ZC3H8: variants seen among roughly 807,000 people sequenced by gnomAD.
ZC3H8 encodes the protein zinc finger CCCH domain-containing protein 8.
In ZC3H8, 27 loss-of-function variants were observed where a neutral mutation model predicts 42.5. The ratio of observed to expected loss-of-function variants is 0.64; its 90% CI spans 0.47 to 0.88. The LOEUF (loss-of-function observed/expected upper bound fraction) is 0.88, where lower values mean the gene tolerates loss of function less well. ZC3H8 is among the 40% of genes least tolerant of loss of function. The pLI is 0.00. For missense variants in ZC3H8, 277 were observed against 336.1 expected, an observed-to-expected ratio of 0.82 and a Z score of 1.37; for synonymous variants, 101 against 110.1, an observed-to-expected ratio of 0.92 and a Z score of 0.52.
At chr2:112,252,282 A>C (rs976366424) in intron 1 of ZC3H8, among the ~76,000 whole-genome samples, 2 of 152,164 alleles carry the variant, frequency 1.3e-5, no homozygotes, top group Non-Finnish European at 2.9e-5. Flanking sequence ...CTTGCTATCT[A>C]AAACGGCAAC....
In ZC3H8 at chr2:112,250,231, T is replaced by A; in HGVS notation, c.116A>T (p.Glu39Val). The change falls in exon 2 of 9, where the codon GAA (glutamate) becomes GTA (valine). Residue 39 changes from glutamate to valine, a missense_variant. Transcript: ENST00000409573. Reference sequence around the variant, plus strand: ...CTCGCACTCCAGTTTAATTTTCTCTTCTTGTGTTTCTTCAACTTCTGTATC... The same window carrying A: ...CTCGCACTCCAGTTTAATTTTCTCTACTTGTGTTTCTTCAACTTCTGTATC... ...EIDTEVEETQ[E>V]EKIKLECEQI... 6.4e-7 allele frequency: 1 copy of A among 1,566,618 alleles called. No homozygotes were observed.
At chr2:112,254,374 T>TTG (rs1686053991) in intron 1 of ZC3H8, among the ~76,000 whole-genome samples, 2 of 152,264 alleles carry the variant, frequency 1.3e-5, no homozygotes, top group Admixed American at 1.3e-4. Flanking sequence ...TGTTGCTTTA[T>TTG]TGTGGTCTTT....
rs1197440905 is a variant in ZC3H8 at position 112,213,606 on chromosome 2, C to CT, written c.*2877dup. 1 of 150,878 alleles carries CT rather than the reference C, an allele frequency of 6.6e-6. No individual in the cohort carries two copies. Among genetic ancestry groups the CT allele is most frequent in the African/African-American group, 2.4e-5 (1 of 41,038 alleles). The allele number at this position is 150,878 out of a possible 1,614,324, so 9.3% of individuals were successfully genotyped here. On this transcript the variant is annotated 3_prime_UTR_variant, in exon 9 of 9. Coordinates refer to ENST00000409573, the MANE Select transcript of ZC3H8 (RefSeq NM_032494.3). Reference sequence around the variant, plus strand: ...CTTGGCTAATACAGTGAAACCCAGTCTCTACTAAAAATACAAAAAATTAGC... The same window carrying CT: ...CTTGGCTAATACAGTGAAACCCAGTCTTCTACTAAAAATACAAAAAATTAGC...
chr2:112,229,287 C>T (rs534711985), intron 8 of ZC3H8, among the ~76,000 whole-genome samples: 1 of 152,208 alleles, frequency 6.6e-6, no homozygotes, highest in East Asian at 1.9e-4. Flanking sequence ...GATATGAGGC[C>T]TCTATCTGAT....
chr2:112,254,397 T>C (rs933971513), intron 1 of ZC3H8, among the ~76,000 whole-genome samples: 3 of 152,236 alleles, frequency 2.0e-5, no homozygotes, highest in African/African-American at 7.2e-5. Context: ...GGTCTTTCCA[T>C]GCAAATCAGT....
intron 8 of ZC3H8, among the ~76,000 whole-genome samples, chr2:112,217,335 T>C (rs529580115): frequency 1.3e-5 from 2 of 152,170 alleles, no homozygotes; most frequent in Non-Finnish European, 2.9e-5. Flanking sequence ...ATCGTGCCAC[T>C]TCATTCAAGC....
chr2:112,241,358 G>A (rs989799981), intron 2 of ZC3H8, among the ~76,000 whole-genome samples: 2 of 152,132 alleles, frequency 1.3e-5, no homozygotes, highest in Admixed American at 1.3e-4. Context: ...TCCATGGGCT[G>A]GCATTTGGGA....
intron 1 of ZC3H8, 100 bp downstream of exon 1, chr2:112,254,808 G>A: frequency 7.2e-7 from 1 of 1,394,402 alleles, no homozygotes; most frequent in South Asian, 1.3e-5. Context: ...CTCGCGACGC[G>A]GCCCGGACGT....
intron 3 of ZC3H8, among the ~76,000 whole-genome samples, chr2:112,236,935 A>G (rs920702175): frequency 3.9e-5 from 6 of 152,198 alleles, no homozygotes; most frequent in Admixed American, 3.9e-4. Context: ...GCACGCCTGT[A>G]GTCCAGCTAC....
At position 112,230,924 on chromosome 2, in the gene ZC3H8, AC is replaced by A. The variant is rs1477793900; in HGVS notation, c.869del (p.Cys290LeufsTer9). ...AKVLDTEKKS[C>X]K ...TTACCTTTTTATGTCTATTTTATTT[AC>A]ATGACTTCTTTTCAGTATCCAAAAC... On this transcript the variant is annotated frameshift_variant, in exon 8 of 9. Transcript: ENST00000409573. LOFTEE classifies it high-confidence loss of function. The A allele has an allele frequency of 2.0e-5, 26 of 1,280,330 alleles. No homozygotes were observed. The highest frequency in any genetic ancestry group is 4.7e-5 in the African/African-American group (3 of 63,832). The allele number at this position is 1,280,330 out of a possible 1,614,324, so 79.3% of individuals were successfully genotyped here.
chr2:112,213,071 G>C lies in ZC3H8; in HGVS notation c.*3413C>G, dbSNP rs1684195057. ...TGCAACCTCGAATTCATGGGCTCCA[G>C]TGATCCTCTTGCCTCAGACTCTCAA... On this transcript the variant is annotated 3_prime_UTR_variant, in exon 9 of 9. Transcript: ENST00000409573. 6.7e-6 allele frequency: 1 copy of C among 149,954 alleles called. No homozygotes were observed. The highest frequency in any genetic ancestry group is 2.5e-5 in the African/African-American group (1 of 40,678). 9.3% of individuals were successfully genotyped at this position (149,954 alleles called of 1,614,324 possible).
chr2:112,238,850 T>G (rs536071577), intron 2 of ZC3H8, among the ~76,000 whole-genome samples: 12 of 152,386 alleles, frequency 7.9e-5, no homozygotes, highest in African/African-American at 2.6e-4. Context: ...TCTTAATTAT[T>G]TGATATGAGA....
Position 112,244,167 on chromosome 2 carries a change from C to G in ZC3H8, c.157-5639G>C, listed in dbSNP as rs573755769. ...AAGAATGAAGAGAAGAGCCTTAAAGCTTCCAGAGAAAACAGGATACTTACA... is the reference window on the plus strand; with the variant it reads ...AAGAATGAAGAGAAGAGCCTTAAAGGTTCCAGAGAAAACAGGATACTTACA... On this transcript the variant is annotated intron_variant, in intron 2 of 8. Transcript: ENST00000409573. Among the ~76,000 whole-genome samples, 36 of 152,142 alleles carry G rather than the reference C, an allele frequency of 2.4e-4. 1 individual carries two copies. The South Asian group carries it at 6.8e-3, about 29-fold the overall frequency.
At chr2:112,248,225 C>CT (rs1685822540) in intron 2 of ZC3H8, among the ~76,000 whole-genome samples, 2 of 151,818 alleles carry the variant, frequency 1.3e-5, no homozygotes, top group Non-Finnish European at 2.9e-5. Context: ...ACTCGGGAGG[C>CT]TGAGGTGGGA....
chr2:112,238,497 G>T lies in ZC3H8; in HGVS notation c.188C>A (p.Ser63Ter). ...FRHSAISPKS[S>*]LHRKSRSKDY... ...CTTACTTCTTGATTTTCTATGCAGC[G>T]AACTTTTTGGTGATATTGCAGAGTG... The change falls in exon 3 of 9, where the codon TCG becomes TAG. Residue 63 changes from serine to a stop codon, truncating the protein, a stop_gained. Coordinates refer to ENST00000409573, the MANE Select transcript of ZC3H8 (RefSeq NM_032494.3). LOFTEE classifies it high-confidence loss of function. The T allele has an allele frequency of 1.2e-6, 2 of 1,611,268 alleles. No individual in the cohort carries two copies. Among genetic ancestry groups the T allele is most frequent in the African/African-American group, 1.3e-5 (1 of 74,956 alleles).
chr2:112,234,079 G>C (rs1685213214), intron 5 of ZC3H8, 41 bp downstream of exon 5: 1 of 1,174,576 alleles, frequency 8.5e-7, no homozygotes, highest in Non-Finnish European at 1.2e-6. Context: ...AGAAAGAGCA[G>C]TTTTACATTT....
Position 112,212,054 on chromosome 2 carries a change from A to G in ZC3H8, c.*4430T>C, listed in dbSNP as rs2104633384. 6.6e-6 allele frequency: 1 copy of G among 152,326 alleles called. No individual in the cohort carries two copies. The highest frequency in any genetic ancestry group is 2.4e-5 in the African/African-American group (1 of 41,564). The allele number at this position is 152,326 out of a possible 1,614,324, so 9.4% of individuals were successfully genotyped here. ...TACCACAGACTAGGTGGCTTAAACAACACTTACTCCTCACAGTTCTGGAGA... is the reference window on the plus strand; with the variant it reads ...TACCACAGACTAGGTGGCTTAAACAGCACTTACTCCTCACAGTTCTGGAGA... On this transcript the variant is annotated 3_prime_UTR_variant, in exon 9 of 9. Transcript: ENST00000409573.
intron 2 of ZC3H8, 61 bp downstream of exon 2, chr2:112,250,130 T>A: frequency 7.9e-7 from 1 of 1,260,722 alleles, no homozygotes; most frequent in Non-Finnish European, 1.1e-6. Flanking sequence ...TGTTGTTCCA[T>A]GTGAAACTGA....
At position 112,212,967 on chromosome 2, in the gene ZC3H8, T is replaced by C. The variant is rs1196413706; in HGVS notation, c.*3517A>G. 3 of 30,642 alleles carry C rather than the reference T, an allele frequency of 9.8e-5. No individual in the cohort carries two copies. The highest frequency in any genetic ancestry group is 2.8e-4 in the Admixed American group (1 of 3,584). The allele number at this position is 30,642 out of a possible 1,614,324, so 1.9% of individuals were successfully genotyped here. Reference sequence around the variant, plus strand: ...GCAAGCACAACTCAGAAGAAATGCTTTTTTTTTTTTTTTTTTTTTTTATAA... The same window carrying C: ...GCAAGCACAACTCAGAAGAAATGCTCTTTTTTTTTTTTTTTTTTTTTATAA... On this transcript the variant is annotated 3_prime_UTR_variant, in exon 9 of 9. Transcript: ENST00000409573.
Sources: allele counts gnomAD v4.1 joint callset (sites outside exome capture counted in the v4.1 genomes callset), GRCh38; gene constraint gnomAD v4.1.1; transcripts MANE v1.5; gene names NCBI Gene and HGNC (gene_info 2026-07-23, HGNC 2026-07-21).